The following PLD1 variants were observed in gnomAD, a reference collection of about 807,000 sequenced individuals.
The protein encoded by PLD1 is phospholipase D1.
A neutral mutation model predicts 137.1 loss-of-function variants in PLD1; 112 were observed. That is an observed-to-expected ratio of 0.82 (90% CI 0.70 to 0.96). The LOEUF (loss-of-function observed/expected upper bound fraction) is 0.96. PLD1 is among the 40% of genes least tolerant of loss of function. The probability of loss-of-function intolerance (pLI) is 0.00; values close to 1 mark genes in which losing one functional copy is unlikely to be tolerated. For missense variants in PLD1, 1,321 were observed against 1,342.0 expected, an observed-to-expected ratio of 0.98 and a Z score of 0.24; for synonymous variants, 431 against 454.7, an observed-to-expected ratio of 0.95 and a Z score of 0.66.
chr3:171,634,660 A>C (rs1373354267), intron 23 of PLD1, among the ~76,000 whole-genome samples: 1 of 152,184 alleles, frequency 6.6e-6, no homozygotes, highest in African/African-American at 2.4e-5. Context: ...ATATATGTAC[A>C]TATGCCTATT....
chr3:171,798,259 T>TTTTG (rs746410799), intron 1 of PLD1, among the ~76,000 whole-genome samples: 3 of 152,192 alleles, frequency 2.0e-5, no homozygotes, highest in Middle Eastern at 3.2e-3. Context: ...TCTAAACCAT[T>TTTTG]TTTGCATCAC....
rs199791259 is a variant in PLD1, at chr3:171,674,462, T to C, written c.2229+38A>G. 4.7e-6 allele frequency: 5 copies of C among 1,067,106 alleles called. No homozygotes were observed. In the East Asian group the frequency reaches 9.6e-5, roughly 21 times the overall value. The allele number at this position is 1,067,106 out of a possible 1,614,324, so 66.1% of individuals were successfully genotyped here. A position where few individuals can be genotyped will look rare whatever the true frequency, so the allele number is the denominator to read the frequency against. On this transcript the variant is annotated intron_variant, in intron 19 of 26. Coordinates refer to ENST00000351298, the MANE Select transcript of PLD1 (RefSeq NM_002662.5). ...GTCCAATAACAGTAATTTTACTCAG[T>C]AGCATTTTGTCAAAAAGAAAAGCCA...
chr3:171,700,069 G>T (rs1261297621), intron 11 of PLD1, among the ~76,000 whole-genome samples: 1 of 139,422 alleles, frequency 7.2e-6, no homozygotes. Context: ...CTCTTTAACT[G>T]TCTCTCATAC....
At chr3:171,784,456 A>G (rs1286460151) in intron 1 of PLD1, among the ~76,000 whole-genome samples, 1 of 152,090 alleles carries the variant, frequency 6.6e-6, no homozygotes, top group Non-Finnish European at 1.5e-5. Context: ...AACCATTTGA[A>G]TAACATTTAA....
chr3:171,603,346 C>T (rs371262333), intron 26 of PLD1, 44 bp from the exon 27 acceptor site: 5 of 1,331,712 alleles, frequency 3.8e-6, no homozygotes, highest in Admixed American at 1.7e-5. Flanking sequence ...AGTTTAAAAG[C>T]GAGCACATGG....
chr3:171,685,433 G>A, intron 16 of PLD1, among the ~76,000 whole-genome samples: 1 of 152,276 alleles, frequency 6.6e-6, no homozygotes. Context: ...CTTTATTTCT[G>A]CTAAATCACA....
chr3:171,721,162 A>T (rs1039121303), intron 8 of PLD1, among the ~76,000 whole-genome samples: 1 of 152,154 alleles, frequency 6.6e-6, no homozygotes, highest in Non-Finnish European at 1.5e-5. Flanking sequence ...GCACTCGAAA[A>T]ATGACTGAAT....
intron 1 of PLD1, among the ~76,000 whole-genome samples, chr3:171,764,880 A>AAGGAAGG (rs1721757087): frequency 4.3e-5 from 1 of 23,302 alleles, no homozygotes; most frequent in Non-Finnish European, 9.8e-5. Context: ...AGAAAGAAAG[A>AAGGAAGG]AAGAAAGAAA....
intron 1 of PLD1, 21 bp downstream of exon 1, chr3:171,810,378 G>A (rs1351507015): frequency 6.6e-6 from 1 of 152,288 alleles, no homozygotes; most frequent in Non-Finnish European, 1.5e-5. Flanking sequence ...CCGGTGATCC[G>A]GGTCTCGGCG....
Position 171,710,212 on chromosome 3 carries a change from C to T in PLD1, c.912-503G>A, listed in dbSNP as rs552136762. Among the ~76,000 whole-genome samples, 43 of 152,272 alleles carry T rather than the reference C, an allele frequency of 2.8e-4. 1 individual carries two copies. In the South Asian group the frequency reaches 8.9e-3, roughly 32 times the overall value. On this transcript the variant is annotated intron_variant, in intron 9 of 26. Transcript: ENST00000351298. ...AGTAGCTGGGACTACAGGCACCCGC[C>T]ACCACGCCCGGCTAATTTTTTTGTA...
At chr3:171,799,337 T>TAA (rs758379833) in intron 1 of PLD1, among the ~76,000 whole-genome samples, 3,045 of 57,518 alleles carry the variant, frequency 0.053, 69 homozygotes, top group Non-Finnish European at 0.073. Flanking sequence ...AGACTCCGTC[T>TAA]AAAAAAAAAA....
chr3:171,738,198 G>A (rs1560266391), intron 1 of PLD1, 116 bp from the exon 2 acceptor site: 1 of 495,468 alleles, frequency 2.0e-6, no homozygotes, highest in East Asian at 3.2e-5. Context: ...CCTGCTCTGT[G>A]TGAGCCTCAG....
intron 21 of PLD1, among the ~76,000 whole-genome samples, chr3:171,646,726 C>G (rs962013901): frequency 1.3e-5 from 2 of 150,180 alleles, no homozygotes; most frequent in Non-Finnish European, 3.0e-5. Context: ...TATTTCCCCA[C>G]AGCCAACATT....
intron 1 of PLD1, among the ~76,000 whole-genome samples, chr3:171,773,463 G>A (rs1281677338): frequency 6.6e-6 from 1 of 151,970 alleles, no homozygotes; most frequent in Non-Finnish European, 1.5e-5. Context: ...TTAGCCGGGC[G>A]TGGAGTAGTG....
At chr3:171,737,847 C>A in intron 2 of PLD1, 45 bp downstream of exon 2, 1 of 1,575,192 alleles carries the variant, frequency 6.3e-7, no homozygotes, top group Non-Finnish European at 8.6e-7. Flanking sequence ...TTCCGACCAA[C>A]CGAGATAAAC....
At chr3:171,687,184 C>A (rs1453053881) in intron 15 of PLD1, among the ~76,000 whole-genome samples, 187 bp downstream of exon 15, 2 of 152,174 alleles carry the variant, frequency 1.3e-5, no homozygotes, top group African/African-American at 4.8e-5. Context: ...AACAATAAAT[C>A]TGTTCTAAAA....
At chr3:171,715,275 G>T (rs1194738635) in intron 8 of PLD1, among the ~76,000 whole-genome samples, 1 of 152,134 alleles carries the variant, frequency 6.6e-6, no homozygotes, top group Non-Finnish European at 1.5e-5. Flanking sequence ...TAGATACATG[G>T]ATTAATATCT....
At chr3:171,737,388 G>T in intron 3 of PLD1, 144 bp downstream of exon 3, 1 of 654,282 alleles carries the variant, frequency 1.5e-6, no homozygotes, top group Non-Finnish European at 2.4e-6. Flanking sequence ...AGGTGAAAAT[G>T]ACTTGGAAAT....
At chr3:171,761,720 CAG>C (rs951527375) in intron 1 of PLD1, among the ~76,000 whole-genome samples, 4 of 152,150 alleles carry the variant, frequency 2.6e-5, no homozygotes, top group African/African-American at 9.7e-5. Context: ...ATAAAATGAC[CAG>C]CACCTGGGCT....
Sources: gnomAD v4.1 joint callset for allele counts (sites outside exome capture counted in the v4.1 genomes callset) on GRCh38, gnomAD v4.1.1 for gene constraint, MANE v1.5 for transcripts, NCBI Gene and HGNC (gene_info 2026-07-23, HGNC 2026-07-21) for gene names.